The following AGPAT5 variants were observed in gnomAD, a reference collection of about 807,000 sequenced individuals.
AGPAT5 encodes the protein 1-acyl-sn-glycerol-3-phosphate acyltransferase epsilon.
AGPAT5 carries 46 observed loss-of-function variants against 45.6 expected under a neutral mutation model. That is an observed-to-expected ratio of 1.01 (90% CI 0.80 to 1.29). The LOEUF is 1.29. Among genes scored for constraint, AGPAT5 ranks in the 50% most tolerant of loss-of-function variants. The pLI is 0.00. For missense variants in AGPAT5, 673 were observed against 450.7 expected, an observed-to-expected ratio of 1.49 and a Z score of -4.47; for synonymous variants, 272 against 167.0, an observed-to-expected ratio of 1.63 and a Z score of -4.85.
chr8:6,711,092 A>AT (rs1221056638), intron 1 of AGPAT5, among the ~76,000 whole-genome samples: 2 of 152,064 alleles, frequency 1.3e-5, no homozygotes, highest in Non-Finnish European at 2.9e-5. Flanking sequence ...TTAAAATAAA[A>AT]TTTTTTTTAA....
At chr8:6,736,618 T>C (rs1287513232) in intron 4 of AGPAT5, among the ~76,000 whole-genome samples, 2 of 152,250 alleles carry the variant, frequency 1.3e-5, no homozygotes, top group African/African-American at 2.4e-5. Context: ...TGGAAATCAG[T>C]TGAAGCCTCA....
At chr8:6,728,721 C>G (rs11991276) in intron 2 of AGPAT5, among the ~76,000 whole-genome samples, 3,735 of 152,252 alleles carry the variant, frequency 0.025, 148 homozygotes, top group African/African-American at 0.086. Flanking sequence ...GCCTGGTAAC[C>G]ATACAGAACC....
At chr8:6,714,649 G>C (rs1296864206) in intron 1 of AGPAT5, among the ~76,000 whole-genome samples, 1 of 152,166 alleles carries the variant, frequency 6.6e-6, no homozygotes, top group African/African-American at 2.4e-5. Context: ...CCTTTCCTAG[G>C]TACATCCCAG....
chr8:6,732,677 CT>C, intron 4 of AGPAT5, 27 bp downstream of exon 4: 1 of 1,514,116 alleles, frequency 6.6e-7, no homozygotes, highest in Admixed American at 2.2e-5. Flanking sequence ...TTTTATTTTT[CT>C]TACCAGCTCT....
At chr8:6,737,472 A>G (rs188938466) in intron 4 of AGPAT5, among the ~76,000 whole-genome samples, 156 of 152,344 alleles carry the variant, frequency 1.0e-3, no homozygotes, top group Non-Finnish European at 1.9e-3. Context: ...TATTTGTATT[A>G]TAAGTTGTGA....
chr8:6,709,478 T>G (rs1348004031), intron 1 of AGPAT5: 1 of 152,440 alleles, frequency 6.6e-6, no homozygotes, highest in African/African-American at 2.4e-5. Context: ...TGTTTCTCTG[T>G]AGAGATTGGA....
At chr8:6,726,917 A>C (rs1267257341) in intron 2 of AGPAT5, among the ~76,000 whole-genome samples, 1 of 152,236 alleles carries the variant, frequency 6.6e-6, no homozygotes. Flanking sequence ...CTTTAGAATT[A>C]CAGGCTTTAG....
At chr8:6,728,425 A>G (rs1800758128) in intron 2 of AGPAT5, among the ~76,000 whole-genome samples, 1 of 152,222 alleles carries the variant, frequency 6.6e-6, no homozygotes, top group African/African-American at 2.4e-5. Flanking sequence ...AAGCTTTTAT[A>G]TTTTGACTAG....
chr8:6,726,930 A>C (rs543687966), intron 2 of AGPAT5, among the ~76,000 whole-genome samples: 1 of 152,352 alleles, frequency 6.6e-6, no homozygotes, highest in South Asian at 2.1e-4. Flanking sequence ...GGCTTTAGTC[A>C]GTATATGACA....
chr8:6,757,195 C>T lies in AGPAT5; in HGVS notation c.902C>T (p.Pro301Leu). Residue 301 changes from proline to leucine, a missense_variant, in exon 8 of 8, where the codon CCA (proline) becomes CTA (leucine). Physicochemically the swap from Pro to Leu is moderately conservative, Grantham distance 98. Coordinates refer to ENST00000285518, the MANE Select transcript of AGPAT5 (RefSeq NM_018361.5). ...MLIEFYESPD[P>L]ERRKRFPGKS... is the part of the protein sequence containing the mutation. ...ATAGAATTTTATGAGTCACCAGATC[C>T]AGAAAGAAGAAAAAGATTTCCTGGG... is the stretch of plus-strand genomic sequence containing the variant. 2.5e-6 allele frequency: 4 copies of T among 1,613,950 alleles called. No homozygotes were observed. The highest frequency in any genetic ancestry group is 3.4e-6 in the Non-Finnish European group (4 of 1,179,990).
Position 6,733,517 on chromosome 8 carries a change from G to C in AGPAT5, c.495+867G>C, listed in dbSNP as rs1237189270. ...TGCATCTGTTTTGGGCATGTGTTGGGTGACAGAAGCAGAATGGAATGAGAT... is the reference window on the plus strand; with the variant it reads ...TGCATCTGTTTTGGGCATGTGTTGGCTGACAGAAGCAGAATGGAATGAGAT... On this transcript the variant is annotated intron_variant, in intron 4 of 7. Transcript: ENST00000285518. Among the ~76,000 whole-genome samples the C allele has an allele frequency of 2.0e-5, 3 of 152,152 alleles. No individual in the cohort carries two copies. In the South Asian group the frequency reaches 6.2e-4, roughly 32 times the overall value.
chr8:6,738,430 G>T (rs1018984001), intron 4 of AGPAT5: 19 of 152,100 alleles, frequency 1.2e-4, no homozygotes, highest in African/African-American at 4.3e-4. Flanking sequence ...ATCTTATATG[G>T]GTGCAATTCA....
chr8:6,731,260 G>C (rs905345883), intron 3 of AGPAT5, among the ~76,000 whole-genome samples: 2 of 152,084 alleles, frequency 1.3e-5, no homozygotes, highest in African/African-American at 4.8e-5. Flanking sequence ...AAGTAATTTT[G>C]TTTGGCATTT....
intron 1 of AGPAT5, among the ~76,000 whole-genome samples, chr8:6,724,369 A>G (rs971430258): frequency 2.2e-4 from 33 of 152,184 alleles, no homozygotes; most frequent in African/African-American, 8.0e-4. Flanking sequence ...ATCCTACCTA[A>G]TAATACTCCT....
At chr8:6,727,998 G>A (rs1800743384) in intron 2 of AGPAT5, among the ~76,000 whole-genome samples, 1 of 152,200 alleles carries the variant, frequency 6.6e-6, no homozygotes, top group Admixed American at 6.5e-5. Context: ...TGGTTGTGAT[G>A]ACAGTCATAG....
At chr8:6,733,028 G>A (rs902102692) in intron 4 of AGPAT5, among the ~76,000 whole-genome samples, 2 of 152,152 alleles carry the variant, frequency 1.3e-5, no homozygotes, top group African/African-American at 4.8e-5. Flanking sequence ...ACTGTTTTCT[G>A]TTAGTGCAAA....
intron 7 of AGPAT5, among the ~76,000 whole-genome samples, chr8:6,756,661 A>G (rs1442798675): frequency 1.3e-5 from 2 of 151,710 alleles, no homozygotes; most frequent in African/African-American, 4.8e-5. Context: ...TTATATTCAA[A>G]TACATGCCAT....
intron 6 of AGPAT5, among the ~76,000 whole-genome samples, chr8:6,752,107 G>C (rs1801676384): frequency 6.6e-6 from 1 of 152,078 alleles, no homozygotes; most frequent in Non-Finnish European, 1.5e-5. Flanking sequence ...AATCCGGGAG[G>C]CAGCAGTTGC....
At chr8:6,753,069 T>A (rs1484212933) in intron 6 of AGPAT5, among the ~76,000 whole-genome samples, 1 of 152,114 alleles carries the variant, frequency 6.6e-6, no homozygotes, top group Non-Finnish European at 1.5e-5. Flanking sequence ...ATTGCAGAGA[T>A]CAAATGAAAT....
Sources: allele counts gnomAD v4.1 joint callset (sites outside exome capture counted in the v4.1 genomes callset), GRCh38; gene constraint gnomAD v4.1.1; transcripts MANE v1.5; gene names NCBI Gene and HGNC (gene_info 2026-07-23, HGNC 2026-07-21).